PRELID3B: variants seen among roughly 807,000 people sequenced by gnomAD.
PRELID3B encodes the protein PRELI domain containing 3B.
PRELID3B carries 15 observed loss-of-function variants against 24.0 expected under a neutral mutation model. The observed-to-expected ratio is 0.63, with a 90% CI of 0.42 to 0.96. PRELID3B has a LOEUF of 0.96. Among genes scored for constraint, PRELID3B ranks in the 40% least tolerant of loss-of-function variants. The pLI is 0.00. For missense variants in PRELID3B, 189 were observed against 236.0 expected, an observed-to-expected ratio of 0.80 and a Z score of 1.30; for synonymous variants, 62 against 76.0, an observed-to-expected ratio of 0.82 and a Z score of 0.96.
At chr20:59,041,086 G>A (rs1250045531) in intron 1 of PRELID3B, among the ~76,000 whole-genome samples, 2 of 151,822 alleles carry the variant, frequency 1.3e-5, no homozygotes, top group Non-Finnish European at 2.9e-5. Context: ...GAGCCAGGAA[G>A]AAGAGTTAGG....
intron 1 of PRELID3B, 110 bp downstream of exon 1, chr20:59,042,589 C>G: frequency 1.6e-6 from 2 of 1,283,436 alleles, no homozygotes; most frequent in South Asian, 2.7e-5. Flanking sequence ...AGTTCGCTCC[C>G]CTCGCTAGGC....
At chr20:59,035,866 A>G (rs1278424190) in intron 5 of PRELID3B, among the ~76,000 whole-genome samples, 1 of 152,188 alleles carries the variant, frequency 6.6e-6, no homozygotes, top group Non-Finnish European at 1.5e-5. Flanking sequence ...GTATCTCTTG[A>G]TAACCACATT....
In PRELID3B at chr20:59,034,865, G is replaced by C; in HGVS notation, c.*142C>G. On this transcript the variant is annotated 3_prime_UTR_variant, in exon 6 of 6. Transcript: ENST00000355937. Reference sequence around the variant, plus strand: ...GAGGCCCTGCATCTGTTTTGATCAAGTCACATAGCCTTACACCAACTTATC... The same window carrying C: ...GAGGCCCTGCATCTGTTTTGATCAACTCACATAGCCTTACACCAACTTATC... 1.6e-6 allele frequency: 1 copy of C among 638,236 alleles called. No homozygotes were observed. Among genetic ancestry groups the C allele is most frequent in the Non-Finnish European group, 2.3e-6 (1 of 438,170 alleles). 39.5% of individuals were successfully genotyped at this position (638,236 alleles called of 1,614,324 possible). A position where few individuals can be genotyped will look rare whatever the true frequency, so the allele number is the denominator to read the frequency against.
At chr20:59,042,405 G>A (rs1320448473) in intron 1 of PRELID3B, among the ~76,000 whole-genome samples, 2 of 152,178 alleles carry the variant, frequency 1.3e-5, no homozygotes, top group African/African-American at 4.8e-5. Context: ...AGGACCTCAG[G>A]AGGCCGCCGG....
intron 1 of PRELID3B, 75 bp downstream of exon 1, chr20:59,042,624 G>A (rs1158838482): frequency 1.3e-6 from 2 of 1,511,708 alleles, no homozygotes; most frequent in East Asian, 2.4e-5. Context: ...CCTCCTGCGG[G>A]CCGCCTCTGC....
intron 4 of PRELID3B, 58 bp from the exon 5 acceptor site, chr20:59,036,631 T>C: frequency 6.3e-7 from 1 of 1,587,832 alleles, no homozygotes; most frequent in Non-Finnish European, 8.6e-7. Flanking sequence ...TTCAAAAAAC[T>C]TGATAAAAAA....
At chr20:59,042,602 G>C (rs2092118717) in intron 1 of PRELID3B, 97 bp downstream of exon 1, 2 of 1,281,984 alleles carry the variant, frequency 1.6e-6, no homozygotes, top group Admixed American at 2.2e-5. Flanking sequence ...CGCTAGGCCC[G>C]ACGCCTAGAA....
In PRELID3B at chr20:59,033,521, A is replaced by T. The variant is rs1330009014; in HGVS notation, c.*1486T>A. 1.3e-5 allele frequency: 2 copies of T among 152,384 alleles called. No individual in the cohort carries two copies. The highest frequency in any genetic ancestry group is 3.9e-4 in the East Asian group (2 of 5,186). The allele number at this position is 152,384 out of a possible 1,614,324, so 9.4% of individuals were successfully genotyped here. On this transcript the variant is annotated 3_prime_UTR_variant, in exon 6 of 6. Transcript: ENST00000355937. ...GTAAAAACTATCTCCGGTTACAAAA[A>T]AAAATCAGAAACCTTATTAAATTTA...
At chr20:59,037,068 G>T in intron 3 of PRELID3B, 123 bp downstream of exon 3, 1 of 749,156 alleles carries the variant, frequency 1.3e-6, no homozygotes. Flanking sequence ...AGTTAGGCCA[G>T]CACATAAGCA....
At chr20:59,038,693 T>C in intron 1 of PRELID3B, 59 bp from the exon 2 acceptor site, 14 of 1,489,612 alleles carry the variant, frequency 9.4e-6, no homozygotes, top group Non-Finnish European at 1.3e-5. Flanking sequence ...ATTATGCATA[T>C]GAGTTAAACA....
rs776553259 is a variant in PRELID3B, at chr20:59,038,628, C to T, written c.39G>A (p.Pro13=). The T allele has an allele frequency of 1.3e-5, 21 of 1,573,150 alleles. No homozygotes were observed. The highest frequency in any genetic ancestry group is 1.3e-4 in the Admixed American group (7 of 54,518). ...IWTSEHVFDH[P]WETVTTAAMQ... ...TTGCAGCTGTTGTAACAGTTTCCCA[C>T]GGGTGGCTGCCGATGTGAACCAAAA... is the stretch of plus-strand genomic sequence containing the variant. Residue 13 remains proline (P), a synonymous_variant, in exon 2 of 6, where the codon CCG becomes CCA. Transcript: ENST00000355937.
Position 59,034,228 on chromosome 20 carries a change from A to G in PRELID3B, c.*779T>C, listed in dbSNP as rs2092054339. 6.6e-6 allele frequency: 1 copy of G among 152,278 alleles called. No homozygotes were observed. The highest frequency in any genetic ancestry group is 2.4e-5 in the African/African-American group (1 of 41,480). 9.4% of individuals were successfully genotyped at this position (152,278 alleles called of 1,614,324 possible). A position where few individuals can be genotyped will look rare whatever the true frequency, so the allele number is the denominator to read the frequency against. Reference sequence around the variant, plus strand: ...AGTTAGGCAAATGTAAAATGCTAAAAGATGTGAACAGCTGTTCTTCTGTTT... The same window carrying G: ...AGTTAGGCAAATGTAAAATGCTAAAGGATGTGAACAGCTGTTCTTCTGTTT... On this transcript the variant is annotated 3_prime_UTR_variant, in exon 6 of 6. Transcript: ENST00000355937.
At position 59,038,649 on chromosome 20, in the gene PRELID3B, C is replaced by CAAAA; in HGVS notation, c.33-19_33-16dup. ...CCCACGGGTGGCTGCCGATGTGAACCAAAAAAAAAAAAAAAAAAATTCAGA... is the reference window on the plus strand; with the variant it reads ...CCCACGGGTGGCTGCCGATGTGAACCAAAAAAAAAAAAAAAAAAAAAAATTCAGA... On this transcript the variant is annotated splice_polypyrimidine_tract_variant and intron_variant, in intron 1 of 5. Transcript: ENST00000355937. 7.7e-7 allele frequency: 1 copy of CAAAA among 1,303,656 alleles called. No individual in the cohort carries two copies. The highest frequency in any genetic ancestry group is 9.9e-7 in the Non-Finnish European group (1 of 1,008,328). The allele number at this position is 1,303,656 out of a possible 1,614,324, so 80.8% of individuals were successfully genotyped here. A position where few individuals can be genotyped will look rare whatever the true frequency, so the allele number is the denominator to read the frequency against.
At chr20:59,039,560 C>T (rs138917495) in intron 1 of PRELID3B, among the ~76,000 whole-genome samples, 14 of 152,318 alleles carry the variant, frequency 9.2e-5, no homozygotes, top group South Asian at 2.1e-4. Flanking sequence ...CAGTCTGATT[C>T]GGATGCTTTC....
rs1293711565 is a variant in PRELID3B at position 59,035,011 on chromosome 20, T to G, written c.581A>C (p.Lys194Thr). 5 of 1,612,976 alleles carry G rather than the reference T, an allele frequency of 3.1e-6. No individual in the cohort carries two copies. The highest frequency in any genetic ancestry group is 4.2e-6 in the Non-Finnish European group (5 of 1,179,614). The change falls in exon 6 of 6, where the codon AAG becomes ACG. Residue 194 changes from lysine (K) to threonine (T), a missense_variant. Physicochemically the swap from Lys to Thr is moderately conservative, Grantham distance 78. Transcript: ENST00000355937. ...GTTGTCTACCAACTGTCACGATCACTTCTCTGCAAACGCTGCTGCTGCCAT... is the reference window on the plus strand; with the variant it reads ...GTTGTCTACCAACTGTCACGATCACGTCTCTGCAAACGCTGCTGCTGCCAT... ...TPMAAAAFAE[K>T]
chr20:59,041,607 C>T (rs976892661), intron 1 of PRELID3B, among the ~76,000 whole-genome samples: 1 of 152,022 alleles, frequency 6.6e-6, no homozygotes, highest in South Asian at 2.1e-4. Flanking sequence ...CGGTGGTGGG[C>T]GCCTGTAATC....
At position 59,034,834 on chromosome 20, in the gene PRELID3B, TA is replaced by T. The variant is rs1402183955; in HGVS notation, c.*172del. ...AACATTAATTTCAGATGATCCCTTT[TA>T]TTTAGAGGCCCTGCATCTGTTTTGA... On this transcript the variant is annotated 3_prime_UTR_variant, in exon 6 of 6. Coordinates refer to ENST00000355937, the MANE Select transcript of PRELID3B (RefSeq NM_016045.3). The T allele has an allele frequency of 2.4e-5, 11 of 459,306 alleles. No individual in the cohort carries two copies. The highest frequency in any genetic ancestry group is 4.1e-5 in the African/African-American group (2 of 48,888). The allele number at this position is 459,306 out of a possible 1,614,324, so 28.5% of individuals were successfully genotyped here.
chr20:59,035,300 G>C (rs1035623982), intron 5 of PRELID3B, among the ~76,000 whole-genome samples, 174 bp from the exon 6 acceptor site: 3 of 152,200 alleles, frequency 2.0e-5, no homozygotes, highest in Admixed American at 2.0e-4. Context: ...CAAATGCCTT[G>C]AGCAACTGGC....
rs916524312 is a variant in PRELID3B at position 59,040,961 on chromosome 20, A to T, written c.32+1738T>A. On this transcript the variant is annotated intron_variant, in intron 1 of 5. Transcript: ENST00000355937. The surrounding 1 kb of genome is among the most constrained non-coding windows in gnomAD (Gnocchi z 4.1). ...CAAAAAAGAAATTAAGATCACAGGT[A>T]AAATCCAATATAGGAAGGCCAACAC... 2.0e-5 allele frequency among the ~76,000 whole-genome samples: 3 copies of T among 152,240 alleles called. No homozygotes were observed. The highest frequency in any genetic ancestry group is 7.2e-5 in the African/African-American group (3 of 41,466).
Sources: gnomAD v4.1 joint callset for allele counts (sites outside exome capture counted in the v4.1 genomes callset) on GRCh38, gnomAD v4.1.1 for gene constraint, Gnocchi (gnomAD v3.1) non-coding constraint, MANE v1.5 for transcripts, NCBI Gene and HGNC (gene_info 2026-07-23, HGNC 2026-07-21) for gene names.